Variants in DDX50 observed in about 807,000 individuals in gnomAD.
DDX50 encodes the protein ATP-dependent RNA helicase DDX50.
A neutral mutation model predicts 94.8 loss-of-function variants in DDX50; 56 were observed. The observed-to-expected ratio is 0.59, with a 90% CI of 0.48 to 0.74. The LOEUF (loss-of-function observed/expected upper bound fraction) is 0.74. Among genes scored for constraint, DDX50 ranks in the 30% least tolerant of loss-of-function variants. The pLI is 0.00. For missense variants in DDX50, 713 were observed against 881.2 expected (o/e 0.81, Z 2.42); for synonymous variants, 264 against 295.4 (o/e 0.89, Z 1.09).
At chr10:68,909,884 A>G (rs575526741) in intron 2 of DDX50, among the ~76,000 whole-genome samples, 8 of 151,318 alleles carry the variant, frequency 5.3e-5, no homozygotes, top group African/African-American at 7.3e-5. Context: ...CTGGTCTTGA[A>G]CTCCTGACCT....
intron 8 of DDX50, among the ~76,000 whole-genome samples, chr10:68,920,961 AAAAG>A (rs1299517343): frequency 2.4e-3 from 211 of 86,848 alleles, no homozygotes; most frequent in South Asian, 8.2e-3. Context: ...AAAAAAAAAA[AAAAG>A]AAAGGGAAAA....
chr10:68,921,182 C>CA (rs71031805), intron 8 of DDX50, among the ~76,000 whole-genome samples: 27,517 of 142,022 alleles, frequency 0.19, 3,037 homozygotes, highest in East Asian at 0.52. Context: ...AAAGGATTTT[C>CA]AAAAAAAAAA....
chr10:68,934,273 T>C lies in DDX50; in HGVS notation c.1314T>C (p.Ser438=). The C allele has an allele frequency of 6.2e-7, 1 of 1,613,300 alleles. No homozygotes were observed. The highest frequency in any genetic ancestry group is 1.1e-5 in the South Asian group (1 of 91,028). ...CACTAAAAGGCTTCAGAGAAGGTAG[T>C]TTTAAAGTTTTGGTGGCAACCAATG... ...EITLKGFREG[S]FKVLVATNVA... The change falls in exon 9 of 15, where the codon AGT becomes AGC. Residue 438 remains serine, a synonymous_variant. Coordinates refer to ENST00000373585, the MANE Select transcript of DDX50 (RefSeq NM_024045.2). The surrounding 1 kb of genome is among the most constrained non-coding windows in gnomAD (Gnocchi z 4.0).
In DDX50 at chr10:68,931,413, A is replaced by ATATG. The variant is rs1554836700; in HGVS notation, c.1240-2783_1240-2782insGTAT. Reference sequence around the variant, plus strand: ...AAAAAATATATATATATATATATGTATATATATATATATACACAAACACAC... The same window carrying ATATG: ...AAAAAATATATATATATATATATGTATATGTATATATATATATACACAAACACAC... On this transcript the variant is annotated intron_variant, in intron 8 of 14. Coordinates refer to ENST00000373585, the MANE Select transcript of DDX50 (RefSeq NM_024045.2). Among the ~76,000 whole-genome samples the ATATG allele has an allele frequency of 7.2e-3, 613 of 85,278 alleles. 9 individuals are homozygous for ATATG. The highest frequency in any genetic ancestry group is 0.019 in the African/African-American group (433 of 22,400). 55.9% of individuals were successfully genotyped at this position (85,278 alleles called of 152,430 possible).
rs949279712 is a variant in DDX50 at position 68,901,511 on chromosome 10, C to G, written c.87+40C>G. ...GGCCGCGCCTCCTTTTGGGCTGCGC[C>G]GGCTTGGGCGGGGAGGGGAACTGTC... On this transcript the variant is annotated intron_variant, in intron 1 of 14. Coordinates refer to ENST00000373585, the MANE Select transcript of DDX50 (RefSeq NM_024045.2). 4 of 1,539,450 alleles carry G rather than the reference C, an allele frequency of 2.6e-6. No individual in the cohort carries two copies. In the African/African-American group the frequency reaches 4.1e-5, roughly 16 times the overall value.
chr10:68,911,056 C>A lies in DDX50; in HGVS notation c.461-12C>A, dbSNP rs772664027. 39 of 1,462,140 alleles carry A rather than the reference C, an allele frequency of 2.7e-5. No homozygotes were observed. Among genetic ancestry groups the A allele is most frequent in the Middle Eastern group, 2.3e-4 (1 of 4,338 alleles). 90.6% of individuals were successfully genotyped at this position (1,462,140 alleles called of 1,614,324 possible). ...TCGTAAAGAAGTATTTTAATTAAAT[C>A]TCATTTTACAGGTCGAGGGGTAACA... On this transcript the variant is annotated splice_polypyrimidine_tract_variant and intron_variant, in intron 3 of 14. Transcript: ENST00000373585.
chr10:68,942,614 C>CT (rs1237391580), intron 13 of DDX50, among the ~76,000 whole-genome samples: 2 of 144,360 alleles, frequency 1.4e-5, no homozygotes, highest in Non-Finnish European at 3.0e-5. Context: ...AACATTGCAG[C>CT]TTTTTTCTTT....
chr10:68,930,744 C>G (rs962862556), intron 8 of DDX50, among the ~76,000 whole-genome samples: 1 of 152,190 alleles, frequency 6.6e-6, no homozygotes, highest in South Asian at 2.1e-4. Flanking sequence ...GCCTCAACTG[C>G]GTGGGCCAAA....
intron 4 of DDX50, among the ~76,000 whole-genome samples, chr10:68,912,349 G>C (rs1039060934): frequency 2.6e-4 from 40 of 152,140 alleles, no homozygotes; most frequent in African/African-American, 8.7e-4. Flanking sequence ...CCAGTAGGTA[G>C]GACTGCAGGC....
rs1842362718 is a variant in DDX50, at chr10:68,934,742, C to T, written c.1402-57C>T. 2 of 1,520,998 alleles carry T rather than the reference C, an allele frequency of 1.3e-6. No homozygotes were observed. Among genetic ancestry groups the T allele is most frequent in the Admixed American group, 2.3e-5 (1 of 44,192 alleles). 94.2% of individuals were successfully genotyped at this position (1,520,998 alleles called of 1,614,324 possible). ...TATTATTAACATTATTATTTGGATTCCGGAATGACTGCAACTTGCTAGATT... is the reference window on the plus strand; with the variant it reads ...TATTATTAACATTATTATTTGGATTTCGGAATGACTGCAACTTGCTAGATT... On this transcript the variant is annotated intron_variant, in intron 9 of 14. Transcript: ENST00000373585. This position sits in a 1 kb window ranked among gnomAD's most constrained non-coding sequence, Gnocchi z 4.0.
chr10:68,909,726 A>C (rs10998481), intron 2 of DDX50, among the ~76,000 whole-genome samples: 4 of 151,852 alleles, frequency 2.6e-5, no homozygotes, highest in African/African-American at 9.7e-5. Flanking sequence ...GCCATGGTGC[A>C]ATCTCGGCTC....
chr10:68,933,019 G>T (rs192942239), intron 8 of DDX50, among the ~76,000 whole-genome samples: 2 of 151,276 alleles, frequency 1.3e-5, no homozygotes, highest in East Asian at 3.9e-4. Flanking sequence ...GGCATCCAGA[G>T]ATACAAGTAC....
chr10:68,928,716 G>C (rs1456893879), intron 8 of DDX50, among the ~76,000 whole-genome samples: 1 of 152,006 alleles, frequency 6.6e-6, no homozygotes, highest in African/African-American at 2.4e-5. Flanking sequence ...AGACCTACTA[G>C]CCACAGACAC....
intron 8 of DDX50, among the ~76,000 whole-genome samples, chr10:68,926,586 T>G (rs895268050): frequency 6.6e-6 from 1 of 152,156 alleles, no homozygotes; most frequent in African/African-American, 2.4e-5. Flanking sequence ...AAGTTTTACT[T>G]GGTTTCCCCC....
intron 8 of DDX50, among the ~76,000 whole-genome samples, chr10:68,931,400 T>A (rs1842261349): frequency 1.6e-5 from 1 of 61,570 alleles, no homozygotes; most frequent in African/African-American, 5.8e-5. Flanking sequence ...AAAATATATA[T>A]ATATATATAT....
chr10:68,938,319 C>T (rs965417154), intron 12 of DDX50, among the ~76,000 whole-genome samples: 1 of 152,206 alleles, frequency 6.6e-6, no homozygotes, highest in Non-Finnish European at 1.5e-5. Context: ...TCTGAACTGG[C>T]CTGCTGCCAG....
intron 1 of DDX50, among the ~76,000 whole-genome samples, chr10:68,902,132 G>T (rs572657178): frequency 2.6e-4 from 37 of 141,770 alleles, no homozygotes; most frequent in Middle Eastern, 4.3e-3. Context: ...AATGGTCTCT[G>T]CTCTCAAGGA....
At position 68,946,572 on chromosome 10, in the gene DDX50, G is replaced by A. The variant is rs1408209758; in HGVS notation, c.2156G>A (p.Arg719Lys). The change falls in exon 15 of 15, where the codon AGA (arginine) becomes AAA (lysine). Residue 719 changes from arginine (R) to lysine (K), a missense_variant. Physicochemically the swap from Arg to Lys is conservative, Grantham distance 26. Around this residue, in one of 2 missense-constraint regions of DDX50, gnomAD observed 428 missense variants for 602.3 expected, o/e 0.71. Transcript: ENST00000373585. The part of the protein sequence containing the change: ...SRSGSRQDGR[R>K]RSGNRNRSRS... The stretch of plus-strand genomic sequence containing the variant: ...TCAGGAAGTCGACAAGATGGTAGAA[G>A]ACGAAGTGGGAATAGAAATCGATCA... 4.3e-6 allele frequency: 7 copies of A among 1,614,124 alleles called. No individual in the cohort carries two copies. The highest frequency in any genetic ancestry group is 5.9e-6 in the Non-Finnish European group (7 of 1,180,056).
intron 8 of DDX50, among the ~76,000 whole-genome samples, chr10:68,926,113 G>C (rs2132044108): frequency 7.0e-6 from 1 of 142,670 alleles, no homozygotes; most frequent in Non-Finnish European, 1.5e-5. Context: ...AAGAGTTAGA[G>C]GTTGCAGTGA....
Sources: gnomAD v4.1 joint callset for allele counts (sites outside exome capture counted in the v4.1 genomes callset) on GRCh38, gnomAD v4.1.1 for gene constraint, gnomAD v4.1.1 regional missense constraint, Gnocchi (gnomAD v3.1) non-coding constraint, MANE v1.5 for transcripts, NCBI Gene and HGNC (gene_info 2026-07-23, HGNC 2026-07-21) for gene names.